Variants in NCOA7 observed in about 807,000 individuals in gnomAD.
NCOA7 encodes nuclear receptor coactivator 7, also known as 140 kDa estrogen receptor-associated protein.
In NCOA7, 45 loss-of-function variants were observed where a neutral mutation model predicts 104.3. That is an observed-to-expected ratio of 0.43 (90% confidence interval 0.34 to 0.55). NCOA7 has a LOEUF of 0.55. Among genes scored for constraint, NCOA7 ranks in the 20% least tolerant of loss-of-function variants. NCOA7 has a pLI of 0.02. For missense variants in NCOA7, 1,041 were observed against 1,119.7 expected (o/e 0.93, Z 1.00); for synonymous variants, 398 against 402.3 (o/e 0.99, Z 0.13).
rs1211573689 is a variant in NCOA7, at chr6:125,921,042, C to T, written c.2344C>T (p.Leu782Phe). 6.2e-7 allele frequency: 1 copy of T among 1,613,578 alleles called. No homozygotes were observed. The highest frequency in any genetic ancestry group is 1.3e-5 in the African/African-American group (1 of 74,930). The change falls in exon 12 of 16, where the codon CTC becomes TTC. Residue 782 changes from leucine to phenylalanine, a missense_variant. Around this residue, in one of 2 missense-constraint regions of NCOA7, gnomAD observed 914 missense variants for 942.7 expected, o/e 0.97. Transcript: ENST00000392477. ...GCCTGTCCTACGGCCCCACAGCGCG[C>T]TCCTGGAGAATATGCACATCGAGCA... ...VLPVLRPHSA[L>F]LENMHIEQLA...
intron 3 of NCOA7, among the ~76,000 whole-genome samples, chr6:125,872,850 G>A (rs948246702): frequency 1.1e-4 from 17 of 152,190 alleles, no homozygotes; most frequent in African/African-American, 4.1e-4. Context: ...TAATTTAGGT[G>A]TGGTTGCCTG....
rs1280443802 is a variant in NCOA7 at position 125,839,651 on chromosome 6, C to T, written c.51-15369C>T. Among the ~76,000 whole-genome samples, 8 of 152,146 alleles carry T rather than the reference C, an allele frequency of 5.3e-5. No homozygotes were observed. In the South Asian group the frequency reaches 1.2e-3, roughly 24 times the overall value. ...TTCCAGTGTTTTAGGAAGTCTGTGCCAGGAACCTGGGGACAAAGACCAAAT... is the reference window on the plus strand; with the variant it reads ...TTCCAGTGTTTTAGGAAGTCTGTGCTAGGAACCTGGGGACAAAGACCAAAT... On this transcript the variant is annotated intron_variant, in intron 2 of 15. Transcript: ENST00000392477.
rs1785038335 is a variant in NCOA7, at chr6:125,896,560, G to A, written c.2096+5750G>A. ...AATCCCAGCACTTTTGGGAGGCCAA[G>A]GTGGACAGATTGCTTGAGCTCAGCA... On this transcript the variant is annotated intron_variant, in intron 10 of 15. Coordinates refer to ENST00000392477, the MANE Select transcript of NCOA7 (RefSeq NM_181782.5). Among the ~76,000 whole-genome samples, 3 of 152,132 alleles carry A rather than the reference G, an allele frequency of 2.0e-5. No individual in the cohort carries two copies. The South Asian group carries it at 6.2e-4, about 32-fold the overall frequency.
At chr6:125,830,741 GTGTGTGTGTGTGTGTGTGTA>G (rs1583318850) in intron 2 of NCOA7, among the ~76,000 whole-genome samples, 2 of 146,732 alleles carry the variant, frequency 1.4e-5, no homozygotes, top group Non-Finnish European at 3.0e-5. Context: ...ATATATATGT[GTGTGTGTGTGTGTGTGTGTA>G]TGTGTGTGTG....
intron 5 of NCOA7, 39 bp downstream of exon 5, chr6:125,878,409 G>C: frequency 6.9e-7 from 1 of 1,453,308 alleles, no homozygotes; most frequent in Non-Finnish European, 9.4e-7. Flanking sequence ...TAGAAATTCT[G>C]CATTTATCTT....
chr6:125,882,891 C>T (rs1246871154), intron 7 of NCOA7, among the ~76,000 whole-genome samples: 1 of 152,178 alleles, frequency 6.6e-6, no homozygotes, highest in African/African-American at 2.4e-5. Flanking sequence ...CCACTACCCA[C>T]TAACTCTGAG....
intron 5 of NCOA7, among the ~76,000 whole-genome samples, chr6:125,879,290 C>T (rs1347167492): frequency 6.6e-6 from 1 of 152,210 alleles, no homozygotes; most frequent in Non-Finnish European, 1.5e-5. Context: ...ACAAATAATT[C>T]AGTCTAGGAT....
In NCOA7 at chr6:125,889,309, T is replaced by G. The variant is rs1407024066; in HGVS notation, c.1255T>G (p.Leu419Val). 6.2e-7 allele frequency: 1 copy of G among 1,614,022 alleles called. No individual in the cohort carries two copies. Among genetic ancestry groups the G allele is most frequent in the Non-Finnish European group, 8.5e-7 (1 of 1,180,014 alleles). Residue 419 changes from leucine (L) to valine (V), a missense_variant, in exon 9 of 16, where the codon TTG (leucine) becomes GTG (valine). Around this residue, in one of 2 missense-constraint regions of NCOA7, gnomAD observed 914 missense variants for 942.7 expected, o/e 0.97. Coordinates refer to ENST00000392477, the MANE Select transcript of NCOA7 (RefSeq NM_181782.5). ...AGGGGAAGATGATGATTTTGTTGAC[T>G]TGGAAGAACTTTCTTCTCAAACTGG... Reference protein sequence around the residue: ...FLGEDDDFVDLEELSSQTGGG... With the variant: ...FLGEDDDFVDVEELSSQTGGG...
intron 1 of NCOA7, among the ~76,000 whole-genome samples, chr6:125,808,368 A>G (rs1476998701): frequency 6.6e-6 from 1 of 152,238 alleles, no homozygotes; most frequent in Non-Finnish European, 1.5e-5. Context: ...GACCACTAGT[A>G]TCAGAGCACT....
chr6:125,830,626 G>C (rs936199413), intron 2 of NCOA7, among the ~76,000 whole-genome samples: 9 of 152,018 alleles, frequency 5.9e-5, no homozygotes, highest in Non-Finnish European at 1.2e-4. Context: ...AGGATTGCTT[G>C]AGCCTGAGAA....
chr6:125,923,874 A>C, intron 13 of NCOA7, among the ~76,000 whole-genome samples: 1 of 152,180 alleles, frequency 6.6e-6, no homozygotes, highest in East Asian at 1.9e-4. Flanking sequence ...CCTTGGGAAA[A>C]ATTAGGGAAC....
chr6:125,832,307 G>A (rs1450793908), intron 2 of NCOA7, among the ~76,000 whole-genome samples: 5 of 152,122 alleles, frequency 3.3e-5, no homozygotes, highest in Non-Finnish European at 7.3e-5. Context: ...TTTTTAGGAG[G>A]CTCTCTGCCA....
chr6:125,811,936 C>T (rs1777050281), intron 1 of NCOA7, among the ~76,000 whole-genome samples: 1 of 152,136 alleles, frequency 6.6e-6, no homozygotes, highest in Admixed American at 6.6e-5. Context: ...TTTCTGGCTC[C>T]AAAGGTTATT....
At chr6:125,799,509 G>C (rs1775682984) in intron 1 of NCOA7, among the ~76,000 whole-genome samples, 1 of 150,388 alleles carries the variant, frequency 6.6e-6, no homozygotes, top group African/African-American at 2.5e-5. Flanking sequence ...GCGCTATCTC[G>C]GCTCACTGCA....
At chr6:125,873,410 A>G (rs146069395) in intron 3 of NCOA7, among the ~76,000 whole-genome samples, 45 of 152,218 alleles carry the variant, frequency 3.0e-4, no homozygotes, top group African/African-American at 1.1e-3. Context: ...TCTGTGATGT[A>G]TGTTTAAAAC....
intron 2 of NCOA7, among the ~76,000 whole-genome samples, chr6:125,845,658 T>A (rs941007103): frequency 1.3e-5 from 2 of 152,122 alleles, no homozygotes; most frequent in Admixed American, 6.6e-5. Context: ...ATGCCTGCAA[T>A]CCCAGCTACT....
chr6:125,866,046 T>C (rs1782415928), intron 3 of NCOA7, among the ~76,000 whole-genome samples: 1 of 136,900 alleles, frequency 7.3e-6, no homozygotes, highest in Non-Finnish European at 1.5e-5. Flanking sequence ...CATATAACTT[T>C]AGGCCGGGCA....
rs575227736 is a variant in NCOA7, at chr6:125,896,090, A to G, written c.2096+5280A>G. On this transcript the variant is annotated intron_variant, in intron 10 of 15. Transcript: ENST00000392477. ...CATATATATATATAATGCAGTTAGC[A>G]CACCATTATGTTTTCTGATTGATTT... is the stretch of plus-strand genomic sequence containing the variant. Among the ~76,000 whole-genome samples, 312 of 150,074 alleles carry G rather than the reference A, an allele frequency of 2.1e-3. 1 individual carries two copies. Among genetic ancestry groups the G allele is most frequent in the Non-Finnish European group, 3.7e-3 (250 of 67,612 alleles).
upstream of NCOA7, among the ~76,000 whole-genome samples, chr6:125,787,400 A>AGGCTAAG (rs1774523950): frequency 6.6e-6 from 1 of 152,220 alleles, no homozygotes; most frequent in Non-Finnish European, 1.5e-5. Context: ...CGCCTACCTT[A>AGGCTAAG]GCCCTCTAGA....
Sources: allele counts gnomAD v4.1 joint callset (sites outside exome capture counted in the v4.1 genomes callset), GRCh38; gene constraint gnomAD v4.1.1; regional missense constraint gnomAD v4.1.1; transcripts MANE v1.5; gene names NCBI Gene and HGNC (gene_info 2026-07-23, HGNC 2026-07-21).